The following PARVA variants were observed in gnomAD, a reference collection of about 807,000 sequenced individuals.
The protein encoded by PARVA is alpha-parvin.
PARVA carries 25 observed loss-of-function variants against 52.6 expected under a neutral mutation model. The observed-to-expected ratio is 0.48, with a 90% confidence interval of 0.35 to 0.66. The LOEUF (loss-of-function observed/expected upper bound fraction) is 0.66. PARVA is among the 30% of genes least tolerant of loss of function. The probability of loss-of-function intolerance (pLI) is 0.01; values close to 1 mark genes in which losing one functional copy is unlikely to be tolerated. For synonymous variants in PARVA, 185 were observed against 179.1 expected (o/e 1.03, Z -0.26); for missense variants, 373 against 450.9 (o/e 0.83, Z 1.56).
chr11:12,482,059 G>A (rs1214547183), intron 4 of PARVA, among the ~76,000 whole-genome samples: 1 of 149,752 alleles, frequency 6.7e-6, no homozygotes, highest in East Asian at 2.0e-4. Flanking sequence ...GCGAGGCTAA[G>A]ACAGGAGAAT....
At chr11:12,525,309 T>G (rs1331122622) in intron 12 of PARVA, among the ~76,000 whole-genome samples, 1 of 152,042 alleles carries the variant, frequency 6.6e-6, no homozygotes, top group South Asian at 2.1e-4. Context: ...GCCCTGGAAG[T>G]GTGAATGATG....
intron 1 of PARVA, among the ~76,000 whole-genome samples, chr11:12,411,518 T>C (rs543331793): frequency 4.6e-5 from 7 of 152,346 alleles, no homozygotes; most frequent in African/African-American, 1.7e-4. Context: ...GGTACCATAG[T>C]ACATTAGGTT....
At chr11:12,414,362 TTGAG>T (rs1322293893) in intron 1 of PARVA, among the ~76,000 whole-genome samples, 1 of 151,998 alleles carries the variant, frequency 6.6e-6, no homozygotes, top group South Asian at 2.1e-4. Context: ...TCTGAGAAGT[TTGAG>T]TGGTTTAAAT....
chr11:12,404,954 G>T (rs990447098), intron 1 of PARVA, among the ~76,000 whole-genome samples: 3 of 152,212 alleles, frequency 2.0e-5, no homozygotes, highest in Non-Finnish European at 4.4e-5. Flanking sequence ...TCATTCACAT[G>T]TGTCTAGTTT....
At chr11:12,479,834 A>C (rs1941063406) in intron 4 of PARVA, 1 of 152,238 alleles carries the variant, frequency 6.6e-6, no homozygotes, top group African/African-American at 2.4e-5. Flanking sequence ...GTAAATGTGT[A>C]TAGGCTTCCC....
At chr11:12,485,484 A>G (rs1012007355) in intron 4 of PARVA, among the ~76,000 whole-genome samples, 6 of 152,174 alleles carry the variant, frequency 3.9e-5, no homozygotes, top group Non-Finnish European at 7.3e-5. Flanking sequence ...AAATATATAT[A>G]CAGGGCCACA....
intron 12 of PARVA, among the ~76,000 whole-genome samples, chr11:12,520,175 G>A (rs1299854938): frequency 6.6e-6 from 1 of 152,244 alleles, no homozygotes; most frequent in Non-Finnish European, 1.5e-5. Context: ...GTTGCTGAAT[G>A]TGAAACTAAC....
At chr11:12,430,246 G>A (rs1369073243) in intron 1 of PARVA, among the ~76,000 whole-genome samples, 1 of 152,188 alleles carries the variant, frequency 6.6e-6, no homozygotes, top group Non-Finnish European at 1.5e-5. Context: ...TCTCAAGAAC[G>A]TAGATCATCA....
At chr11:12,470,004 A>G (rs1468992505) in intron 1 of PARVA, among the ~76,000 whole-genome samples, 2 of 152,238 alleles carry the variant, frequency 1.3e-5, no homozygotes, top group African/African-American at 4.8e-5. Context: ...TTGGCTATAC[A>G]ACAAGTCTTG....
At chr11:12,527,790 G>A in intron 12 of PARVA, 59 bp from the exon 13 acceptor site, 1 of 1,330,746 alleles carries the variant, frequency 7.5e-7, no homozygotes, top group Non-Finnish European at 1.1e-6. Context: ...GGCAGTGTAT[G>A]CCAGCTTTGG....
intron 1 of PARVA, among the ~76,000 whole-genome samples, chr11:12,404,942 A>G (rs2134968405): frequency 6.6e-6 from 1 of 152,338 alleles, no homozygotes; most frequent in African/African-American, 2.4e-5. Context: ...CAGTAGTGAA[A>G]GTCATTCACA....
intron 4 of PARVA, 113 bp from the exon 5 acceptor site, chr11:12,496,345 A>AGAGTGCATGCACGCAT: frequency 2.3e-6 from 2 of 861,990 alleles, no homozygotes; most frequent in Admixed American, 3.0e-5. Context: ...TATTGTTGCA[A>AGAGTGCATGCACGCAT]GAGTGCATGC....
chr11:12,410,803 G>C (rs891305674), intron 1 of PARVA, among the ~76,000 whole-genome samples: 2 of 152,218 alleles, frequency 1.3e-5, no homozygotes, highest in South Asian at 4.1e-4. Context: ...ATAAATGAAA[G>C]TTATGTGGAC....
intron 7 of PARVA, among the ~76,000 whole-genome samples, chr11:12,510,421 CACA>C (rs1026018372): frequency 5.3e-4 from 80 of 152,166 alleles, no homozygotes; most frequent in African/African-American, 1.8e-3. Context: ...ATTTAATAAT[CACA>C]ACATCTGATT....
intron 9 of PARVA, 192 bp downstream of exon 9, chr11:12,513,552 C>G: frequency 1.4e-6 from 1 of 704,358 alleles, no homozygotes; most frequent in Non-Finnish European, 2.6e-6. Context: ...TGGGCCTTTT[C>G]CCCTCCATCA....
At chr11:12,389,248 T>C (rs1939623243) in intron 1 of PARVA, among the ~76,000 whole-genome samples, 1 of 152,190 alleles carries the variant, frequency 6.6e-6, no homozygotes, top group African/African-American at 2.4e-5. Flanking sequence ...TATGGCCATC[T>C]TTCCATCCAT....
chr11:12,464,753 C>T lies in PARVA; in HGVS notation c.137-8992C>T, dbSNP rs539155353. 1.2e-4 allele frequency among the ~76,000 whole-genome samples: 19 copies of T among 152,286 alleles called. No homozygotes were observed. In the South Asian group the frequency reaches 2.3e-3, roughly 18 times the overall value. On this transcript the variant is annotated intron_variant, in intron 1 of 12. Transcript: ENST00000334956. ...GTCGCCTCTGAAACTCATGTTCAAA[C>T]TTAATCCCCAATGTGGCAGTATTGA... is the stretch of plus-strand genomic sequence containing the variant.
chr11:12,510,921 T>C (rs892990423), intron 7 of PARVA, among the ~76,000 whole-genome samples: 5 of 152,150 alleles, frequency 3.3e-5, no homozygotes, highest in African/African-American at 1.2e-4. Context: ...TAAACCTCAA[T>C]GATGTGTCTT....
chr11:12,381,410 T>G (rs911624563), intron 1 of PARVA, among the ~76,000 whole-genome samples: 2 of 152,186 alleles, frequency 1.3e-5, no homozygotes, highest in African/African-American at 4.8e-5. Flanking sequence ...AGTGCTTTGG[T>G]GTAGCATTCT....
Sources: allele counts gnomAD v4.1 joint callset (sites outside exome capture counted in the v4.1 genomes callset), GRCh38; gene constraint gnomAD v4.1.1; transcripts MANE v1.5; gene names NCBI Gene and HGNC (gene_info 2026-07-23, HGNC 2026-07-21).